STPG2: variants seen among roughly 807,000 people sequenced by gnomAD.
The protein encoded by STPG2 is sperm-tail PG-rich repeat-containing protein 2.
Under a neutral mutation model 54.2 loss-of-function variants are expected in STPG2, and 56 were observed. The observed-to-expected ratio is 1.03, with a 90% CI of 0.83 to 1.29. STPG2 has a LOEUF of 1.29. Ranked by LOEUF, STPG2 falls within the 50% of genes most tolerant of loss-of-function variation. The pLI is 0.00. For synonymous variants in STPG2, 200 were observed against 181.8 expected, an observed-to-expected ratio of 1.10 and a Z score of -0.81; for missense variants, 596 against 544.9, an observed-to-expected ratio of 1.09 and a Z score of -0.93.
Position 98,025,741 on chromosome 4 carries a change from T to G in STPG2, c.613-44423A>C. ...ATAGGTTTGGCATGGACAAGATCTA[T>G]GAAGGCCAAGTGGAGGTGACTGGCG... On this transcript the variant is annotated intron_variant, in intron 5 of 10. Coordinates refer to ENST00000295268, the MANE Select transcript of STPG2 (RefSeq NM_174952.3). 3.9e-6 allele frequency: 6 copies of G among 1,553,636 alleles called. No individual in the cohort carries two copies. The South Asian group carries it at 6.7e-5, about 17-fold the overall frequency.
intron 10 of STPG2, among the ~76,000 whole-genome samples, chr4:97,625,764 C>A (rs1734123436): frequency 6.6e-6 from 1 of 152,274 alleles, no homozygotes; most frequent in East Asian, 1.9e-4. Flanking sequence ...GATTTCTTCT[C>A]TTCTTTCCTA....
intron 8 of STPG2, among the ~76,000 whole-genome samples, chr4:97,882,055 C>T (rs917267193): frequency 1.3e-5 from 2 of 152,058 alleles, no homozygotes; most frequent in South Asian, 2.1e-4. Flanking sequence ...TACCATGTCA[C>T]AAGCACCTGT....
At chr4:97,646,253 A>T (rs914005531) in intron 10 of STPG2, among the ~76,000 whole-genome samples, 2 of 152,180 alleles carry the variant, frequency 1.3e-5, no homozygotes, top group Admixed American at 1.3e-4. Flanking sequence ...GCAAGGCTAT[A>T]TGCAGGAAAG....
chr4:97,888,429 A>C (rs1288135262), intron 8 of STPG2, among the ~76,000 whole-genome samples: 2 of 152,232 alleles, frequency 1.3e-5, no homozygotes, highest in Non-Finnish European at 2.9e-5. Flanking sequence ...TGAGACATAG[A>C]GTCAAGAGAG....
intron 3 of STPG2, among the ~76,000 whole-genome samples, chr4:98,123,356 T>C (rs1177774881): frequency 6.6e-6 from 1 of 152,226 alleles, no homozygotes; most frequent in Non-Finnish European, 1.5e-5. Context: ...AACACTGCTT[T>C]AGCTGCATCT....
chr4:97,825,863 T>C (rs988566457), intron 9 of STPG2, among the ~76,000 whole-genome samples: 5 of 152,236 alleles, frequency 3.3e-5, no homozygotes, highest in African/African-American at 1.2e-4. Context: ...AATAAAGTTT[T>C]AAAGATTATT....
intron 8 of STPG2, among the ~76,000 whole-genome samples, chr4:97,891,568 G>A (rs192976864): frequency 2.6e-5 from 4 of 151,948 alleles, no homozygotes; most frequent in African/African-American, 7.2e-5. Flanking sequence ...AATTATAAAC[G>A]TATTGCTTTT....
intron 10 of STPG2, chr4:97,572,854 A>G (rs1299840288): frequency 2.0e-5 from 3 of 152,166 alleles, no homozygotes; most frequent in Non-Finnish European, 4.4e-5. Flanking sequence ...AAACATGGTT[A>G]GTATTAGAGA....
intron 10 of STPG2, among the ~76,000 whole-genome samples, chr4:97,581,309 A>G (rs1241425001): frequency 6.6e-6 from 1 of 152,124 alleles, no homozygotes; most frequent in Non-Finnish European, 1.5e-5. Context: ...AGCACTTTTA[A>G]GTAACATAAC....
At chr4:97,836,699 G>T (rs150884091) in intron 9 of STPG2, among the ~76,000 whole-genome samples, 151 of 151,464 alleles carry the variant, frequency 1.0e-3, no homozygotes, top group Middle Eastern at 3.4e-3. Context: ...AAAAATGCTT[G>T]ATTTTCCTTC....
intron 9 of STPG2, among the ~76,000 whole-genome samples, chr4:97,725,103 G>A (rs191070886): frequency 3.6e-4 from 55 of 152,180 alleles, no homozygotes; most frequent in African/African-American, 1.3e-3. Context: ...TACGAGAAAA[G>A]AGCATGTGCA....
chr4:97,506,379 C>A (rs905899314), intron 4 of STPG2, among the ~76,000 whole-genome samples: 1 of 151,798 alleles, frequency 6.6e-6, no homozygotes, highest in Non-Finnish European at 1.5e-5. Context: ...GAGGCGCCGA[C>A]CTGAACTTCT....
chr4:98,078,828 T>C (rs1473533868), intron 5 of STPG2, among the ~76,000 whole-genome samples: 1 of 152,172 alleles, frequency 6.6e-6, no homozygotes, highest in Non-Finnish European at 1.5e-5. Flanking sequence ...TGATTATATA[T>C]ACATATGTCT....
intron 10 of STPG2, among the ~76,000 whole-genome samples, chr4:97,705,264 A>G (rs1723903456): frequency 6.6e-6 from 1 of 151,852 alleles, no homozygotes; most frequent in South Asian, 2.1e-4. Flanking sequence ...AAAAACTCCC[A>G]TTACTCTTTT....
At chr4:97,910,966 G>C (rs573726170) in intron 8 of STPG2, among the ~76,000 whole-genome samples, 47 of 152,276 alleles carry the variant, frequency 3.1e-4, no homozygotes, top group African/African-American at 1.1e-3. Flanking sequence ...TTCTCGTTTG[G>C]TACTGACTAC....
At chr4:97,879,713 C>T (rs1005246145) in intron 8 of STPG2, among the ~76,000 whole-genome samples, 2 of 152,114 alleles carry the variant, frequency 1.3e-5, no homozygotes, top group Non-Finnish European at 2.9e-5. Flanking sequence ...TATAAACATT[C>T]TCAACATCTC....
intron 10 of STPG2, among the ~76,000 whole-genome samples, chr4:97,567,655 G>A (rs1240653908): frequency 6.6e-6 from 1 of 151,830 alleles, no homozygotes; most frequent in Non-Finnish European, 1.5e-5. Flanking sequence ...GTTCCATGTG[G>A]CTGTAAGAAG....
At chr4:97,905,013 C>A (rs1190337099) in intron 8 of STPG2, among the ~76,000 whole-genome samples, 3 of 151,922 alleles carry the variant, frequency 2.0e-5, no homozygotes, top group Admixed American at 2.0e-4. Context: ...GAGAATGGAA[C>A]CAAGTTGGAA....
intron 10 of STPG2, among the ~76,000 whole-genome samples, chr4:97,641,609 A>T (rs1345896162): frequency 6.6e-6 from 1 of 151,496 alleles, no homozygotes; most frequent in Admixed American, 6.6e-5. Flanking sequence ...ATCAAAGACC[A>T]TGACAGCAGA....
Sources: gnomAD v4.1 joint callset for allele counts (sites outside exome capture counted in the v4.1 genomes callset) on GRCh38, gnomAD v4.1.1 for gene constraint, MANE v1.5 for transcripts, NCBI Gene and HGNC (gene_info 2026-07-23, HGNC 2026-07-21) for gene names.